The following NRXN3 variants were observed in gnomAD, a reference collection of about 807,000 sequenced individuals.
NRXN3 encodes the protein neurexin 3.
NRXN3 carries 32 observed loss-of-function variants against 137.6 expected under a neutral mutation model. The observed-to-expected ratio is 0.23, with a 90% confidence interval of 0.18 to 0.31. NRXN3 has a LOEUF of 0.31. Ranked by LOEUF, NRXN3 falls within the 10% of genes least tolerant of loss-of-function variation. The pLI is 1.00. For synonymous variants in NRXN3, 798 were observed against 784.5 expected (o/e 1.02, Z -0.29); for missense variants, 1,574 against 2,062.5 (o/e 0.76, Z 4.59).
intron 15 of NRXN3, among the ~76,000 whole-genome samples, chr14:79,166,707 A>T (rs2061317381): frequency 6.6e-6 from 1 of 151,734 alleles, no homozygotes; most frequent in Non-Finnish European, 1.5e-5. Flanking sequence ...TAGATTTTTT[A>T]AAAAGAACCA....
Position 79,590,416 on chromosome 14 carries a change from TAAAA to T in NRXN3, c.3445-73343_3445-73340del, listed in dbSNP as rs11419735. Among the ~76,000 whole-genome samples, 8 of 92,270 alleles carry T rather than the reference TAAAA, an allele frequency of 8.7e-5. 1 individual carries two copies. The highest frequency in any genetic ancestry group is 2.8e-4 in the African/African-American group (5 of 17,746). The allele number at this position is 92,270 out of a possible 152,430, so 60.5% of individuals were successfully genotyped here. A position where few individuals can be genotyped will look rare whatever the true frequency, so the allele number is the denominator to read the frequency against. ...TCCATTAAACCTTTCTTTCTTTTGT[TAAAA>T]AAAAAAAAAAAAAAAAAAGATTATG... On this transcript the variant is annotated intron_variant, in intron 16 of 20. Transcript: ENST00000335750.
chr14:79,026,872 T>G (rs1208766998), intron 15 of NRXN3, among the ~76,000 whole-genome samples: 1 of 150,228 alleles, frequency 6.7e-6, no homozygotes, highest in Non-Finnish European at 1.5e-5. Flanking sequence ...ATTAGCAAGA[T>G]CTGCAAAAGA....
At chr14:78,568,560 C>G (rs1053484393) in intron 4 of NRXN3, among the ~76,000 whole-genome samples, 2 of 152,230 alleles carry the variant, frequency 1.3e-5, no homozygotes, top group Non-Finnish European at 2.9e-5. Flanking sequence ...ATTTATGTAT[C>G]AGGTTCACTA....
At chr14:78,727,980 C>T (rs912588453) in intron 8 of NRXN3, among the ~76,000 whole-genome samples, 4 of 152,244 alleles carry the variant, frequency 2.6e-5, no homozygotes, top group African/African-American at 7.2e-5. Flanking sequence ...TCAACTATTC[C>T]AGTGCTTATA....
intron 4 of NRXN3, among the ~76,000 whole-genome samples, chr14:78,524,557 C>A (rs559282656): frequency 6.6e-6 from 1 of 152,118 alleles, no homozygotes; most frequent in Non-Finnish European, 1.5e-5. Flanking sequence ...GTGTAGGGTG[C>A]AGGAATTTTT....
At chr14:79,223,046 T>C (rs1045522780) in intron 15 of NRXN3, among the ~76,000 whole-genome samples, 1 of 152,192 alleles carries the variant, frequency 6.6e-6, no homozygotes, top group Admixed American at 6.5e-5. Flanking sequence ...GCCTTAGTAA[T>C]CTTAATTAGA....
At chr14:79,819,147 G>C (rs1168512969) in intron 20 of NRXN3, among the ~76,000 whole-genome samples, 1 of 152,108 alleles carries the variant, frequency 6.6e-6, no homozygotes, top group Admixed American at 6.5e-5. Context: ...GTAAGGGCTG[G>C]GGTGTAAGTA....
intron 5 of NRXN3, among the ~76,000 whole-genome samples, chr14:78,645,930 A>AT: frequency 6.6e-6 from 1 of 151,660 alleles, no homozygotes; most frequent in African/African-American, 2.4e-5. Flanking sequence ...TTTCCCAACT[A>AT]TTTTTTTCTT....
chr14:79,310,702 A>C (rs1478431121), intron 15 of NRXN3, among the ~76,000 whole-genome samples: 2 of 84,256 alleles, frequency 2.4e-5, no homozygotes, highest in Non-Finnish European at 2.2e-5. Context: ...GCAATTGTGA[A>C]TGGGAGTTCA....
chr14:78,991,156 G>A (rs75645206), intron 15 of NRXN3, among the ~76,000 whole-genome samples: 6,110 of 152,270 alleles, frequency 0.04, 351 homozygotes, highest in African/African-American at 0.13. Flanking sequence ...GCTCATGGAG[G>A]AGGAAGAATA....
At chr14:78,409,009 TC>T (rs2092671658) in intron 4 of NRXN3, among the ~76,000 whole-genome samples, 1 of 152,246 alleles carries the variant, frequency 6.6e-6, no homozygotes, top group Non-Finnish European at 1.5e-5. Flanking sequence ...TGTTAGAAAT[TC>T]AATTTTAATA....
At chr14:79,805,287 T>C in intron 20 of NRXN3, 97 bp downstream of exon 20, 1 of 755,328 alleles carries the variant, frequency 1.3e-6, no homozygotes, top group African/African-American at 1.8e-5. Flanking sequence ...TATATATAGA[T>C]TATAGTGTGT....
intron 16 of NRXN3, among the ~76,000 whole-genome samples, chr14:79,531,951 A>G (rs4903863): frequency 0.54 from 81,815 of 151,980 alleles, 26,628 homozygotes; most frequent in Non-Finnish European, 0.71. Context: ...TCAATCATCC[A>G]TGTGTCCCTC....
At chr14:78,985,254 A>C (rs1415775269) in intron 14 of NRXN3, among the ~76,000 whole-genome samples, 1 of 152,220 alleles carries the variant, frequency 6.6e-6, no homozygotes, top group Non-Finnish European at 1.5e-5. Context: ...CTGCATCTTC[A>C]CAATAGACTT....
intron 19 of NRXN3, among the ~76,000 whole-genome samples, chr14:79,738,314 G>GA (rs2098949000): frequency 3.0e-5 from 2 of 66,442 alleles, no homozygotes; most frequent in East Asian, 4.0e-4. Flanking sequence ...CATTTCCCCC[G>GA]CCACACACAC....
chr14:78,282,119 C>G, intron 3 of NRXN3: 1 of 501,690 alleles, frequency 2.0e-6, no homozygotes, highest in Non-Finnish European at 4.0e-6. Context: ...GGCCATGTTA[C>G]CCATTTGTGG....
intron 4 of NRXN3, among the ~76,000 whole-genome samples, chr14:78,319,303 C>T (rs986677721): frequency 3.9e-5 from 6 of 152,166 alleles, no homozygotes; most frequent in Non-Finnish European, 7.3e-5. Flanking sequence ...CCTCTGTCTC[C>T]GTGTCTGTAT....
intron 10 of NRXN3, among the ~76,000 whole-genome samples, chr14:78,886,161 G>C (rs1290631596): frequency 1.3e-5 from 2 of 152,112 alleles, no homozygotes; most frequent in Non-Finnish European, 2.9e-5. Flanking sequence ...CAGTCCTGTG[G>C]AAAAGGAGCA....
intron 10 of NRXN3, among the ~76,000 whole-genome samples, chr14:78,812,546 C>G (rs1355529413): frequency 6.6e-6 from 1 of 152,152 alleles, no homozygotes; most frequent in African/African-American, 2.4e-5. Context: ...TGAAGTCAAT[C>G]CCATATATTC....
Sources: allele counts gnomAD v4.1 joint callset (sites outside exome capture counted in the v4.1 genomes callset), GRCh38; gene constraint gnomAD v4.1.1; transcripts MANE v1.5; gene names NCBI Gene and HGNC (gene_info 2026-07-23, HGNC 2026-07-21).